FBXW11: variants seen among roughly 807,000 people sequenced by gnomAD.
FBXW11 encodes the protein F-box/WD repeat-containing protein 11.
FBXW11 carries 19 observed loss-of-function variants against 77.6 expected under a neutral mutation model. The ratio of observed to expected loss-of-function variants is 0.24; its 90% CI spans 0.17 to 0.36. The LOEUF (loss-of-function observed/expected upper bound fraction) is 0.36, where lower values mean the gene tolerates loss of function less well. Ranked by LOEUF, FBXW11 falls within the 10% of genes least tolerant of loss-of-function variation. FBXW11 has a pLI of 1.00. For missense variants in FBXW11, 334 were observed against 704.2 expected, an observed-to-expected ratio of 0.47 and a Z score of 5.95; for synonymous variants, 235 against 249.4, an observed-to-expected ratio of 0.94 and a Z score of 0.54.
chr5:171,923,612 G>A (rs1761713918), intron 2 of FBXW11, among the ~76,000 whole-genome samples: 1 of 152,022 alleles, frequency 6.6e-6, no homozygotes, highest in Non-Finnish European at 1.5e-5. Context: ...TTTCCAACTG[G>A]AGACTGCAAT....
At chr5:171,984,449 T>C (rs555624528) in intron 1 of FBXW11, among the ~76,000 whole-genome samples, 1 of 152,224 alleles carries the variant, frequency 6.6e-6, no homozygotes, top group South Asian at 2.1e-4. Context: ...CCCATTTACA[T>C]GTACTTCATG....
chr5:171,893,652 C>A (rs1342929023), intron 6 of FBXW11, among the ~76,000 whole-genome samples: 1 of 152,102 alleles, frequency 6.6e-6, no homozygotes, highest in Non-Finnish European at 1.5e-5. Flanking sequence ...ATTTAGTAGG[C>A]AGATGTACTG....
chr5:171,906,485 C>T (rs1760533018), intron 4 of FBXW11, among the ~76,000 whole-genome samples: 1 of 152,142 alleles, frequency 6.6e-6, no homozygotes, highest in Non-Finnish European at 1.5e-5. Flanking sequence ...CAGAATGAAT[C>T]AATTCGGGAA....
At chr5:171,873,452 C>T (rs940728293) in intron 9 of FBXW11, among the ~76,000 whole-genome samples, 2 of 152,146 alleles carry the variant, frequency 1.3e-5, no homozygotes, top group Non-Finnish European at 2.9e-5. Context: ...CGAGACCAGC[C>T]TGGGCAAAAT....
At chr5:171,989,664 G>A (rs1412191251) in intron 1 of FBXW11, among the ~76,000 whole-genome samples, 1 of 152,200 alleles carries the variant, frequency 6.6e-6, no homozygotes, top group East Asian at 1.9e-4. Context: ...AAGGGTAAAG[G>A]AACTGTTCTT....
intron 2 of FBXW11, among the ~76,000 whole-genome samples, chr5:171,954,497 A>G (rs1561718305): frequency 6.6e-6 from 1 of 152,242 alleles, no homozygotes; most frequent in Non-Finnish European, 1.5e-5. Flanking sequence ...CTCATGCCAC[A>G]GGAATCTGGG....
chr5:171,944,445 G>A (rs1031621595), intron 2 of FBXW11, among the ~76,000 whole-genome samples: 1 of 151,188 alleles, frequency 6.6e-6, no homozygotes, highest in Non-Finnish European at 1.5e-5. Context: ...CGAGGTGGCG[G>A]GCGCCTGTAG....
intron 1 of FBXW11, among the ~76,000 whole-genome samples, 157 bp from the exon 2 acceptor site, chr5:171,957,855 G>T (rs1214623426): frequency 2.0e-5 from 3 of 152,206 alleles, no homozygotes; most frequent in Admixed American, 6.5e-5. Flanking sequence ...TGAAACCTTG[G>T]GGGAGGGCCC....
chr5:171,975,550 A>T (rs958118197), intron 1 of FBXW11, among the ~76,000 whole-genome samples: 4 of 152,240 alleles, frequency 2.6e-5, no homozygotes, highest in African/African-American at 4.8e-5. Context: ...TACAGTAAAA[A>T]TGAATAAGTA....
At chr5:171,942,916 C>T (rs915924938) in intron 2 of FBXW11, among the ~76,000 whole-genome samples, 30 of 151,970 alleles carry the variant, frequency 2.0e-4, no homozygotes, top group African/African-American at 7.0e-4. Flanking sequence ...TACCAGATGC[C>T]CTGGGCAATG....
At chr5:171,873,592 T>C (rs1757889303) in intron 9 of FBXW11, among the ~76,000 whole-genome samples, 1 of 152,240 alleles carries the variant, frequency 6.6e-6, no homozygotes, top group Non-Finnish European at 1.5e-5. Flanking sequence ...CAGTGAGCTG[T>C]GTCTGTGCCA....
chr5:171,934,420 T>G (rs1382512908), intron 2 of FBXW11, among the ~76,000 whole-genome samples: 3 of 152,156 alleles, frequency 2.0e-5, no homozygotes, highest in Non-Finnish European at 4.4e-5. Context: ...CCTCATGCCT[T>G]GTAATCCCAG....
intron 13 of FBXW11, among the ~76,000 whole-genome samples, chr5:171,865,512 A>T (rs190653370): frequency 4.6e-5 from 7 of 152,362 alleles, no homozygotes; most frequent in Admixed American, 3.9e-4. Flanking sequence ...AATAATTTGG[A>T]CAAATACATT....
chr5:171,992,032 T>C (rs1459834059), intron 1 of FBXW11, among the ~76,000 whole-genome samples: 1 of 151,626 alleles, frequency 6.6e-6, no homozygotes, highest in Non-Finnish European at 1.5e-5. Context: ...GGAGAATCAC[T>C]TGAACCCAGG....
At chr5:171,949,691 CAT>C (rs1490976835) in intron 2 of FBXW11, among the ~76,000 whole-genome samples, 4 of 152,070 alleles carry the variant, frequency 2.6e-5, no homozygotes, top group South Asian at 4.1e-4. Context: ...AGAGGTAACT[CAT>C]ATAACAACCA....
At chr5:171,907,379 G>C (rs1561671239) in intron 4 of FBXW11, among the ~76,000 whole-genome samples, 1 of 152,110 alleles carries the variant, frequency 6.6e-6, no homozygotes, top group Non-Finnish European at 1.5e-5. Flanking sequence ...CAGTAAAAAT[G>C]AAACACCAAA....
At chr5:171,866,366 T>C (rs758975822) in intron 13 of FBXW11, among the ~76,000 whole-genome samples, 10 of 152,126 alleles carry the variant, frequency 6.6e-5, no homozygotes, top group Non-Finnish European at 1.5e-4. Context: ...AACACATTTG[T>C]GGTCTCACTG....
At chr5:171,985,596 AAAAAAATT>A (rs1277567076) in intron 1 of FBXW11, among the ~76,000 whole-genome samples, 1 of 152,206 alleles carries the variant, frequency 6.6e-6, no homozygotes, top group South Asian at 2.1e-4. Flanking sequence ...TCTCTACAAA[AAAAAAATT>A]AAAAAATTAA....
intron 2 of FBXW11, among the ~76,000 whole-genome samples, chr5:171,915,919 A>G (rs1267642248): frequency 1.3e-5 from 2 of 152,084 alleles, no homozygotes; most frequent in African/African-American, 4.8e-5. Context: ...ATAAAGAAGG[A>G]TGAGTTCATG....
Sources: allele counts gnomAD v4.1 joint callset (sites outside exome capture counted in the v4.1 genomes callset), GRCh38; gene constraint gnomAD v4.1.1; transcripts MANE v1.5; gene names NCBI Gene and HGNC (gene_info 2026-07-23, HGNC 2026-07-21).